APBB2: variants seen among roughly 807,000 people sequenced by gnomAD.
The protein encoded by APBB2 is amyloid beta precursor protein binding family B member 2.
In APBB2, 38 loss-of-function variants were observed where a neutral mutation model predicts 82.5. That is an observed-to-expected ratio of 0.46 (90% CI 0.36 to 0.60). APBB2 has a LOEUF of 0.60. APBB2 is among the 20% of genes least tolerant of loss of function. The pLI, the probability that APBB2 is intolerant of heterozygous loss-of-function variation, is 0.00. For synonymous variants in APBB2, 341 were observed against 368.2 expected (o/e 0.93, Z 0.85); for missense variants, 772 against 972.3 (o/e 0.79, Z 2.74).
chr4:41,011,344 C>G (rs1459286740), intron 6 of APBB2, among the ~76,000 whole-genome samples: 1 of 151,532 alleles, frequency 6.6e-6, no homozygotes, highest in Non-Finnish European at 1.5e-5. Context: ...CCACACCAAG[C>G]TAATTTTTGT....
chr4:40,992,250 C>T (rs1056035160), intron 6 of APBB2, among the ~76,000 whole-genome samples: 1 of 152,060 alleles, frequency 6.6e-6, no homozygotes, highest in African/African-American at 2.4e-5. Flanking sequence ...ATAGCCTTGA[C>T]CACCTGGGCC....
intron 2 of APBB2, among the ~76,000 whole-genome samples, chr4:41,117,221 C>G (rs2153987192): frequency 6.6e-6 from 1 of 151,662 alleles, no homozygotes; most frequent in South Asian, 2.1e-4. Flanking sequence ...AGTCTGGAAA[C>G]TCTCATATGT....
intron 12 of APBB2, among the ~76,000 whole-genome samples, chr4:40,831,403 A>G (rs1020753393): frequency 7.7e-6 from 1 of 129,098 alleles, no homozygotes; most frequent in Non-Finnish European, 1.5e-5. Context: ...ACTCCCTCTG[A>G]AAAAAAACAA....
In APBB2 at chr4:40,815,847, T is replaced by A; in HGVS notation, c.*245A>T. On this transcript the variant is annotated 3_prime_UTR_variant, in exon 18 of 18. Coordinates refer to ENST00000508593, the MANE Select transcript of APBB2 (RefSeq NM_004307.2). The stretch of plus-strand genomic sequence containing the variant: ...TAAGTAATGTTCACAATATTTACAA[T>A]AAGAAAAAGACCTTCCACTGCGCAT... 1 of 456,706 alleles carries A rather than the reference T, an allele frequency of 2.2e-6. No individual in the cohort carries two copies. The highest frequency in any genetic ancestry group is 3.9e-6 in the Non-Finnish European group (1 of 253,706). The allele number at this position is 456,706 out of a possible 1,614,324, so 28.3% of individuals were successfully genotyped here.
At chr4:40,823,808 A>C (rs1359722023) in intron 15 of APBB2, 49 bp from the exon 16 acceptor site, 3 of 1,268,682 alleles carry the variant, frequency 2.4e-6, no homozygotes, top group Non-Finnish European at 3.4e-6. Context: ...CACTTACCAC[A>C]CTCAAATGTG....
At chr4:40,855,042 T>C (rs1021439154) in intron 12 of APBB2, among the ~76,000 whole-genome samples, 1 of 152,174 alleles carries the variant, frequency 6.6e-6, no homozygotes, top group Non-Finnish European at 1.5e-5. Context: ...TAGTGCCCAA[T>C]GGCCCACTGG....
At chr4:41,110,413 G>A (rs560099436) in intron 2 of APBB2, among the ~76,000 whole-genome samples, 81 of 152,180 alleles carry the variant, frequency 5.3e-4, no homozygotes, top group African/African-American at 1.9e-3. Flanking sequence ...GACCAGCCTG[G>A]CCAACACAGT....
intron 6 of APBB2, among the ~76,000 whole-genome samples, chr4:40,964,854 C>T (rs1233860122): frequency 2.6e-5 from 4 of 151,602 alleles, no homozygotes; most frequent in Non-Finnish European, 5.9e-5. Context: ...GTAGTGGTGG[C>T]TCACACCTGT....
chr4:41,000,059 A>ATGTGTGTG (rs1307419146), intron 6 of APBB2, among the ~76,000 whole-genome samples: 68 of 92,956 alleles, frequency 7.3e-4, no homozygotes, highest in East Asian at 3.8e-3. Context: ...ATATGTATAT[A>ATGTGTGTG]TATGTGTGTA....
At chr4:41,042,431 C>T (rs779985550) in intron 4 of APBB2, among the ~76,000 whole-genome samples, 2 of 152,194 alleles carry the variant, frequency 1.3e-5, no homozygotes, top group Middle Eastern at 3.2e-3. Context: ...CAATCAACAG[C>T]GTCTCTGCAT....
intron 10 of APBB2, among the ~76,000 whole-genome samples, chr4:40,919,522 T>C (rs4861333): frequency 0.58 from 88,203 of 152,024 alleles, 25,876 homozygotes; most frequent in Non-Finnish European, 0.64. Flanking sequence ...ATTTAAGCTA[T>C]GACATACTGT....
At chr4:40,987,336 G>C (rs1315589076) in intron 6 of APBB2, among the ~76,000 whole-genome samples, 1 of 152,168 alleles carries the variant, frequency 6.6e-6, no homozygotes, top group Non-Finnish European at 1.5e-5. Flanking sequence ...TTTGGCAGAA[G>C]TTGTTTTCTT....
chr4:41,071,877 G>GTGA (rs1452051777), intron 3 of APBB2, among the ~76,000 whole-genome samples: 1 of 151,964 alleles, frequency 6.6e-6, no homozygotes, highest in Non-Finnish European at 1.5e-5. Context: ...TCTTTGTTTG[G>GTGA]TGACACAGGA....
chr4:41,137,574 A>G (rs1244176182), intron 2 of APBB2, among the ~76,000 whole-genome samples: 2 of 152,198 alleles, frequency 1.3e-5, no homozygotes, highest in African/African-American at 4.8e-5. Flanking sequence ...TAGTGAAGAC[A>G]CTGCATCTTA....
intron 17 of APBB2, among the ~76,000 whole-genome samples, chr4:40,816,643 C>A (rs1745767844): frequency 6.6e-6 from 1 of 152,194 alleles, no homozygotes; most frequent in South Asian, 2.1e-4. Context: ...GGTACACTGA[C>A]AGCACAGTAG....
intron 12 of APBB2, chr4:40,880,930 C>G: frequency 1.0e-6 from 1 of 980,416 alleles, no homozygotes; most frequent in Non-Finnish European, 1.2e-6. Context: ...GATTCATGAA[C>G]AGGGACAGGA....
chr4:40,912,795 G>T (rs1446117977), intron 10 of APBB2, among the ~76,000 whole-genome samples: 1 of 152,108 alleles, frequency 6.6e-6, no homozygotes, highest in Non-Finnish European at 1.5e-5. Context: ...CTGAGTAAGG[G>T]CCCATGGAAG....
At chr4:40,945,122 A>G (rs12649306) in intron 6 of APBB2, 49 bp from the exon 7 acceptor site, 54,152 of 1,347,214 alleles carry the variant, frequency 0.04, 1,950 homozygotes, top group East Asian at 0.079. Flanking sequence ...AATTTTATTA[A>G]AAGAATGTCA....
chr4:41,180,240 C>T lies in APBB2; in HGVS notation c.-417+34165G>A, dbSNP rs1322954768. ...ACAAATGCTTTTAAACACCATGGTC[C>T]TGTGAATCCCGAATAAATCAAAGTA... On this transcript the variant is annotated intron_variant, in intron 1 of 17. Coordinates refer to ENST00000508593, the MANE Select transcript of APBB2 (RefSeq NM_004307.2). Among the ~76,000 whole-genome samples, 3 of 152,180 alleles carry T rather than the reference C, an allele frequency of 2.0e-5. No homozygotes were observed. The East Asian group carries it at 5.8e-4, about 29-fold the overall frequency.
Sources: gnomAD v4.1 joint callset for allele counts (sites outside exome capture counted in the v4.1 genomes callset) on GRCh38, gnomAD v4.1.1 for gene constraint, MANE v1.5 for transcripts, NCBI Gene and HGNC (gene_info 2026-07-23, HGNC 2026-07-21) for gene names.